Variants in ATG3 observed in about 807,000 individuals in gnomAD.
ATG3 encodes ubiquitin-like-conjugating enzyme ATG3.
ATG3 carries 25 observed loss-of-function variants against 50.7 expected under a neutral mutation model. That is an observed-to-expected ratio of 0.49 (90% CI 0.36 to 0.69). The LOEUF (loss-of-function observed/expected upper bound fraction) is 0.69, where lower values mean the gene tolerates loss of function less well. Ranked by LOEUF, ATG3 falls within the 30% of genes least tolerant of loss-of-function variation. The pLI is 0.00. For missense variants in ATG3, 281 were observed against 376.0 expected (o/e 0.75, Z 2.09); for synonymous variants, 119 against 125.5 (o/e 0.95, Z 0.34).
chr3:112,558,410 T>C lies in ATG3; in HGVS notation c.80A>G (p.Lys27Arg). 1 of 1,601,492 alleles carries C rather than the reference T, an allele frequency of 6.2e-7. No homozygotes were observed. Among genetic ancestry groups the C allele is most frequent in the Non-Finnish European group, 8.6e-7 (1 of 1,169,012 alleles). ...GGTAATTACACCTGTTTCCTTAAAC[T>C]TTGATTCCTAAAAAAAGCAGAAAGA... ...EYLTPVLKES[K>R]FKETGVITPE... Residue 27 changes from lysine (K) to arginine (R), a missense_variant, in exon 2 of 12, where the codon AAG becomes AGG. By Grantham distance (26) the Lys-to-Arg change is conservative. Around this residue, in one of 3 missense-constraint regions of ATG3, gnomAD observed 17 missense variants for 48.2 expected, o/e 0.35. Coordinates refer to ENST00000283290, the MANE Select transcript of ATG3 (RefSeq NM_022488.5).
intron 7 of ATG3, among the ~76,000 whole-genome samples, chr3:112,540,528 A>ATAACATTT: frequency 6.6e-6 from 1 of 152,136 alleles, no homozygotes; most frequent in Non-Finnish European, 1.5e-5. Flanking sequence ...AAAGTACTGG[A>ATAACATTT]TGTAATTTAT....
At chr3:112,537,623 G>A (rs2107369150) in intron 9 of ATG3, 112 bp downstream of exon 9, 3 of 780,098 alleles carry the variant, frequency 3.8e-6, no homozygotes, top group East Asian at 5.9e-5. Context: ...TAAAACAGAT[G>A]ATTTCCAAAA....
At chr3:112,561,332 T>C in intron 1 of ATG3, 125 bp downstream of exon 1, 2 of 948,020 alleles carry the variant, frequency 2.1e-6, no homozygotes, top group Non-Finnish European at 3.3e-6. Context: ...CACTTCCCTG[T>C]GTCTCGAGCC....
chr3:112,535,332 G>A (rs1933002875), intron 10 of ATG3: 2 of 152,016 alleles, frequency 1.3e-5, no homozygotes, highest in Non-Finnish European at 2.9e-5. Flanking sequence ...TATTTTATAG[G>A]CACTCAGATT....
intron 4 of ATG3, 104 bp from the exon 5 acceptor site, chr3:112,548,744 C>A: frequency 2.3e-6 from 2 of 864,198 alleles, no homozygotes; most frequent in South Asian, 3.0e-5. Flanking sequence ...GTTTATACCA[C>A]CAAAGTACTA....
intron 9 of ATG3, among the ~76,000 whole-genome samples, chr3:112,537,136 T>C (rs1407885768): frequency 6.6e-6 from 1 of 152,050 alleles, no homozygotes; most frequent in East Asian, 1.9e-4. Context: ...CCAAGCTCTG[T>C]GACAGCTACC....
chr3:112,548,224 C>T (rs1440234335), intron 5 of ATG3, among the ~76,000 whole-genome samples: 6 of 152,080 alleles, frequency 3.9e-5, no homozygotes, highest in Non-Finnish European at 5.9e-5. Context: ...TGGGGGTGCA[C>T]ACCTGTAGTC....
At chr3:112,552,906 A>G (rs1933565653) in intron 3 of ATG3, among the ~76,000 whole-genome samples, 1 of 152,148 alleles carries the variant, frequency 6.6e-6, no homozygotes, top group Non-Finnish European at 1.5e-5. Context: ...TCAGCCTCCC[A>G]AAGTGCTGGG....
intron 1 of ATG3, 64 bp from the exon 2 acceptor site, chr3:112,558,481 G>A: frequency 7.4e-7 from 1 of 1,351,576 alleles, no homozygotes; most frequent in South Asian, 1.2e-5. Context: ...ATATATTTTG[G>A]GGGCAATTAT....
intron 2 of ATG3, among the ~76,000 whole-genome samples, chr3:112,554,207 CCT>C (rs1339017184): frequency 2.6e-5 from 4 of 152,150 alleles, no homozygotes; most frequent in African/African-American, 9.7e-5. Flanking sequence ...CATTGTCAGG[CCT>C]CTGAGCCCAA....
In ATG3 at chr3:112,556,524, G is replaced by A. The variant is rs1191860023; in HGVS notation, c.114+1852C>T. ...CCGGCCACCACCCCGTCTGGGAGGTGTACTCAACAGCTCATTGAGAACGGG... is the reference window on the plus strand; with the variant it reads ...CCGGCCACCACCCCGTCTGGGAGGTATACTCAACAGCTCATTGAGAACGGG... On this transcript the variant is annotated intron_variant, in intron 2 of 11. Coordinates refer to ENST00000283290, the MANE Select transcript of ATG3 (RefSeq NM_022488.5). 4.6e-5 allele frequency among the ~76,000 whole-genome samples: 7 copies of A among 152,184 alleles called. No homozygotes were observed. In the East Asian group the frequency reaches 1.3e-3, roughly 29 times the overall value.
rs191721002 is a variant in ATG3 at position 112,532,788 on chromosome 3, T to A, written c.864-8A>T. 2.5e-6 allele frequency: 4 copies of A among 1,571,686 alleles called. No homozygotes were observed. The African/African-American group carries it at 4.1e-5, about 16-fold the overall frequency. On this transcript the variant is annotated splice_polypyrimidine_tract_variant and splice_region_variant and intron_variant, in intron 11 of 11. Transcript: ENST00000283290. The stretch of plus-strand genomic sequence containing the variant: ...AAGAAAATAAGAAGATACCTAAAGG[T>A]TTTTAGCTAAGGAAAATAAGATTTG...
chr3:112,559,213 G>A (rs1398274079), intron 1 of ATG3, among the ~76,000 whole-genome samples: 2 of 152,046 alleles, frequency 1.3e-5, no homozygotes, highest in Non-Finnish European at 2.9e-5. Context: ...ACCAAATCTA[G>A]AAATTATTTA....
At chr3:112,560,159 CCT>C (rs564913551) in intron 1 of ATG3, among the ~76,000 whole-genome samples, 68 of 152,292 alleles carry the variant, frequency 4.5e-4, no homozygotes, top group African/African-American at 1.6e-3. Flanking sequence ...GTCTCTTGCT[CCT>C]CTCTCCCGGA....
chr3:112,552,779 T>C (rs577056476), intron 3 of ATG3, among the ~76,000 whole-genome samples: 12 of 151,866 alleles, frequency 7.9e-5, no homozygotes, highest in Non-Finnish European at 1.8e-4. Context: ...GCCTCCCAAG[T>C]AGCTGGGACC....
intron 5 of ATG3, among the ~76,000 whole-genome samples, chr3:112,546,198 TCTATAC>T (rs1033098149): frequency 2.0e-5 from 3 of 152,182 alleles, no homozygotes; most frequent in African/African-American, 4.8e-5. Flanking sequence ...TCTACCTATA[TCTATAC>T]CTATACCTAT....
rs1489581779 is a variant in ATG3 at position 112,541,882 on chromosome 3, G to A, written c.396C>T (p.Asp132=). Residue 132 remains aspartate, a splice_region_variant and synonymous_variant, in exon 7 of 12, where the codon GAC becomes GAT. Coordinates refer to ENST00000283290, the MANE Select transcript of ATG3 (RefSeq NM_022488.5). ...CTGAGCAATCTTGAAGCCTTATATTGTCCTTTGAAATTAATTATATTTAAA... is the reference window on the plus strand; with the variant it reads ...CTGAGCAATCTTGAAGCCTTATATTATCCTTTGAAATTAATTATATTTAAA... ...AVKEITLENK[D]NIRLQDCSAL... is the part of the protein sequence containing the mutation. The A allele has an allele frequency of 3.1e-6, 5 of 1,607,222 alleles. No homozygotes were observed. Among genetic ancestry groups the A allele is most frequent in the Non-Finnish European group, 4.2e-6 (5 of 1,176,874 alleles).
chr3:112,544,710 T>C (rs867711771), intron 5 of ATG3, among the ~76,000 whole-genome samples: 4 of 147,986 alleles, frequency 2.7e-5, no homozygotes, highest in Non-Finnish European at 6.0e-5. Context: ...GACTCGTATG[T>C]ACATTTTAAT....
intron 3 of ATG3, among the ~76,000 whole-genome samples, chr3:112,552,177 ATT>A (rs767583186): frequency 8.5e-5 from 13 of 152,188 alleles, no homozygotes; most frequent in Non-Finnish European, 1.8e-4. Context: ...AAAAAGATAT[ATT>A]AAGTTGAAGC....
Sources: gnomAD v4.1 joint callset for allele counts (sites outside exome capture counted in the v4.1 genomes callset) on GRCh38, gnomAD v4.1.1 for gene constraint, gnomAD v4.1.1 regional missense constraint, MANE v1.5 for transcripts, NCBI Gene and HGNC (gene_info 2026-07-23, HGNC 2026-07-21) for gene names.